The following PIGL variants were observed in gnomAD, a reference collection of about 807,000 sequenced individuals.
PIGL encodes the protein N-acetylglucosaminyl-phosphatidylinositol de-N-acetylase.
In PIGL, 22 loss-of-function variants were observed where a neutral mutation model predicts 31.1. The ratio of observed to expected loss-of-function variants is 0.71; its 90% CI spans 0.51 to 1.01. PIGL has a LOEUF of 1.01. PIGL is among the 50% of genes least tolerant of loss of function. The probability of loss-of-function intolerance (pLI) is 0.00; values close to 1 mark genes in which losing one functional copy is unlikely to be tolerated. For synonymous variants in PIGL, 131 were observed against 117.4 expected, an observed-to-expected ratio of 1.12 and a Z score of -0.75; for missense variants, 302 against 315.9, an observed-to-expected ratio of 0.96 and a Z score of 0.33.
At chr17:16,281,560 C>G (rs1400704809) in intron 2 of PIGL, among the ~76,000 whole-genome samples, 1 of 152,232 alleles carries the variant, frequency 6.6e-6, no homozygotes, top group Admixed American at 6.5e-5. Flanking sequence ...GTAACCACAT[C>G]AAATAGCATC....
At chr17:16,239,460 G>A (rs1600761347) in intron 2 of PIGL, among the ~76,000 whole-genome samples, 1 of 151,690 alleles carries the variant, frequency 6.6e-6, no homozygotes, top group Non-Finnish European at 1.5e-5. Context: ...TCCAGCCTGG[G>A]TGACAGAGTG....
At chr17:16,297,501 A>G (rs146392918) in intron 2 of PIGL, among the ~76,000 whole-genome samples, 7 of 152,346 alleles carry the variant, frequency 4.6e-5, no homozygotes, top group African/African-American at 1.7e-4. Context: ...TCCCTCTCCA[A>G]AATGATGCCT....
At chr17:16,314,854 C>T (rs1316796997) in intron 4 of PIGL, among the ~76,000 whole-genome samples, 1 of 152,186 alleles carries the variant, frequency 6.6e-6, no homozygotes, top group Admixed American at 6.5e-5. Context: ...TACTCTGAGG[C>T]CTTGAGCTTC....
intron 4 of PIGL, among the ~76,000 whole-genome samples, chr17:16,316,024 C>T (rs777688174): frequency 6.6e-5 from 10 of 152,048 alleles, no homozygotes; most frequent in Non-Finnish European, 1.0e-4. Flanking sequence ...ACCTCTCAGG[C>T]TCTGCCAGGC....
intron 6 of PIGL, among the ~76,000 whole-genome samples, chr17:16,320,840 G>A (rs867679580): frequency 5.3e-4 from 80 of 151,708 alleles, no homozygotes; most frequent in African/African-American, 1.7e-3. Flanking sequence ...TCACCATATT[G>A]GTCAGGCTGG....
chr17:16,279,413 T>G (rs527371290), intron 2 of PIGL, among the ~76,000 whole-genome samples: 2 of 152,250 alleles, frequency 1.3e-5, no homozygotes, highest in Non-Finnish European at 2.9e-5. Context: ...CAAAGGACTG[T>G]GACTTCTAAA....
At chr17:16,258,549 G>A (rs989401056) in intron 2 of PIGL, among the ~76,000 whole-genome samples, 1 of 151,230 alleles carries the variant, frequency 6.6e-6, no homozygotes, top group African/African-American at 2.4e-5. Flanking sequence ...TGTTGCCCAG[G>A]CTGGAGTGCA....
At chr17:16,312,885 C>A (rs1471962927) in intron 3 of PIGL, 5 of 125,956 alleles carry the variant, frequency 4.0e-5, no homozygotes, top group Non-Finnish European at 7.9e-5. Flanking sequence ...AGTCCAGCTT[C>A]GGCTCAGCAT....
At chr17:16,266,618 G>A (rs979398856) in intron 2 of PIGL, among the ~76,000 whole-genome samples, 5 of 151,048 alleles carry the variant, frequency 3.3e-5, no homozygotes, top group East Asian at 3.9e-4. Flanking sequence ...TTTTCTAGAC[G>A]GGAGTCTCGC....
At chr17:16,293,351 C>G (rs974992872) in intron 2 of PIGL, among the ~76,000 whole-genome samples, 1 of 152,178 alleles carries the variant, frequency 6.6e-6, no homozygotes, top group African/African-American at 2.4e-5. Flanking sequence ...GGTGAAACCC[C>G]GTCTCTACTA....
chr17:16,303,666 G>A (rs985014647), intron 3 of PIGL, among the ~76,000 whole-genome samples: 4 of 151,734 alleles, frequency 2.6e-5, no homozygotes, highest in African/African-American at 9.7e-5. Context: ...AGCCTCCTGA[G>A]TAGCTGGGAC....
At chr17:16,322,650 A>G (rs1330495048) in intron 6 of PIGL, among the ~76,000 whole-genome samples, 2 of 152,050 alleles carry the variant, frequency 1.3e-5, no homozygotes, top group South Asian at 4.2e-4. Flanking sequence ...TTGTAGTTCT[A>G]TATTTATGAA....
intron 3 of PIGL, among the ~76,000 whole-genome samples, chr17:16,310,077 C>CAAAAAAAA (rs58352380): frequency 1.1e-5 from 1 of 88,644 alleles, no homozygotes; most frequent in Non-Finnish European, 2.2e-5. Context: ...GACTCCATCT[C>CAAAAAAAA]AAAAAAAAAA....
chr17:16,243,314 T>C (rs2092730862), intron 2 of PIGL, among the ~76,000 whole-genome samples: 4 of 152,170 alleles, frequency 2.6e-5, no homozygotes, highest in Admixed American at 1.3e-4. Flanking sequence ...ACTCCCAAAG[T>C]GTTGGGATTA....
chr17:16,264,320 ATT>A lies in PIGL; in HGVS notation c.335+30254_335+30255del, dbSNP rs895808026. ...TCTGGGTATGGCCTTAATCTTTTGT[ATT>A]TTTAGTAGAGACGAGGTTTCACCAT... On this transcript the variant is annotated intron_variant, in intron 2 of 6. Coordinates refer to ENST00000225609, the MANE Select transcript of PIGL (RefSeq NM_004278.4). Among the ~76,000 whole-genome samples, 164 of 150,710 alleles carry A rather than the reference ATT, an allele frequency of 1.1e-3. 1 individual carries two copies. Among genetic ancestry groups the A allele is most frequent in the African/African-American group, 3.6e-3 (146 of 40,960 alleles).
At chr17:16,233,869 C>A in intron 1 of PIGL, 102 bp from the exon 2 acceptor site, 1 of 638,472 alleles carries the variant, frequency 1.6e-6, no homozygotes, top group Non-Finnish European at 2.8e-6. Flanking sequence ...TTTCAGGCAG[C>A]TTAAATCCTT....
At chr17:16,233,922 T>C in intron 1 of PIGL, 49 bp from the exon 2 acceptor site, 1 of 958,730 alleles carries the variant, frequency 1.0e-6, no homozygotes, top group Non-Finnish European at 1.7e-6. Flanking sequence ...TAGATAGGTC[T>C]CCACTGTTAA....
chr17:16,297,824 G>A (rs2092988942), intron 2 of PIGL, among the ~76,000 whole-genome samples: 1 of 152,136 alleles, frequency 6.6e-6, no homozygotes, highest in Non-Finnish European at 1.5e-5. Flanking sequence ...GCCCTCTGTA[G>A]AAAACACCCT....
At chr17:16,280,923 T>C (rs927783543) in intron 2 of PIGL, among the ~76,000 whole-genome samples, 4 of 152,108 alleles carry the variant, frequency 2.6e-5, no homozygotes, top group Admixed American at 6.6e-5. Context: ...CAGGCTGGTC[T>C]TGAACTCCTG....
Sources: allele counts gnomAD v4.1 joint callset (sites outside exome capture counted in the v4.1 genomes callset), GRCh38; gene constraint gnomAD v4.1.1; transcripts MANE v1.5; gene names NCBI Gene and HGNC (gene_info 2026-07-23, HGNC 2026-07-21).